CDH11: variants seen among roughly 807,000 people sequenced by gnomAD.
CDH11 encodes cadherin-11.
In CDH11, 11 loss-of-function variants were observed where a neutral mutation model predicts 67.8. The ratio of observed to expected loss-of-function variants is 0.16; its 90% confidence interval spans 0.10 to 0.27. The LOEUF (loss-of-function observed/expected upper bound fraction) is 0.27. CDH11 is among the 10% of genes least tolerant of loss of function. The pLI, the probability that CDH11 is intolerant of heterozygous loss-of-function variation, is 1.00. For missense variants in CDH11, 847 were observed against 1,031.2 expected (o/e 0.82, Z 2.45); for synonymous variants, 419 against 400.0 (o/e 1.05, Z -0.57).
At chr16:65,120,180 G>A (rs2142902593) in intron 1 of CDH11, among the ~76,000 whole-genome samples, 1 of 152,264 alleles carries the variant, frequency 6.6e-6, no homozygotes, top group Middle Eastern at 3.4e-3. Flanking sequence ...AACAATTCCA[G>A]GATTAACGAA....
At chr16:65,081,523 C>A (rs752866033) in intron 1 of CDH11, among the ~76,000 whole-genome samples, 15 of 149,480 alleles carry the variant, frequency 1.0e-4, no homozygotes, top group Non-Finnish European at 7.4e-5. Context: ...GAGCCGAGAT[C>A]GGGCCACTGC....
chr16:64,993,098 C>T (rs927376591), intron 4 of CDH11, 64 bp from the exon 5 acceptor site: 2 of 1,388,370 alleles, frequency 1.4e-6, no homozygotes. Context: ...TTCTTGTTTA[C>T]AAAGTTTTAT....
intron 1 of CDH11, among the ~76,000 whole-genome samples, chr16:65,077,506 CA>C (rs1396757998): frequency 6.6e-6 from 1 of 152,170 alleles, no homozygotes; most frequent in Non-Finnish European, 1.5e-5. Context: ...AATGTGAACT[CA>C]AATGCAAAAA....
intron 1 of CDH11, among the ~76,000 whole-genome samples, chr16:65,057,768 T>C (rs1362860891): frequency 6.6e-6 from 1 of 152,208 alleles, no homozygotes; most frequent in Non-Finnish European, 1.5e-5. Context: ...AAACTGAGGC[T>C]GAATGGCATA....
chr16:64,972,021 G>T lies in CDH11; in HGVS notation c.1434C>A (p.Val478=). ...TGGGAGCATTATCGTTGACATCAAG[G>T]ACCCTAATGGCCACTGGGACTTTGG... ...QEAKVPVAIR[V]LDVNDNAPKF... The change falls in exon 10 of 13, where the codon GTC becomes GTA. Residue 478 remains valine, a synonymous_variant. Coordinates refer to ENST00000268603, the MANE Select transcript of CDH11 (RefSeq NM_001797.4). 2 of 1,613,300 alleles carry T rather than the reference G, an allele frequency of 1.2e-6. No homozygotes were observed. Among genetic ancestry groups the T allele is most frequent in the Non-Finnish European group, 1.7e-6 (2 of 1,179,290 alleles).
Position 64,955,551 on chromosome 16 carries a change from C to T in CDH11, c.1643-4533G>A, listed in dbSNP as rs775748589. Reference sequence around the variant, plus strand: ...GCCAGGAGTTCTAGACCAGCCTGGGCAACATAGCGAGACCTTGTCTCTAAA... The same window carrying T: ...GCCAGGAGTTCTAGACCAGCCTGGGTAACATAGCGAGACCTTGTCTCTAAA... On this transcript the variant is annotated intron_variant, in intron 11 of 12. Transcript: ENST00000268603. Among the ~76,000 whole-genome samples, 84 of 152,102 alleles carry T rather than the reference C, an allele frequency of 5.5e-4. 1 individual carries two copies. Among genetic ancestry groups the T allele is most frequent in the Admixed American group, 5.2e-4 (8 of 15,270 alleles).
intron 1 of CDH11, among the ~76,000 whole-genome samples, chr16:65,079,958 A>T (rs2074581207): frequency 1.3e-5 from 2 of 152,170 alleles, no homozygotes; most frequent in Admixed American, 1.3e-4. Flanking sequence ...TTTAAGTTTT[A>T]CTTCTTGATA....
chr16:65,041,343 C>G (rs1348697858), intron 2 of CDH11, among the ~76,000 whole-genome samples: 1 of 152,220 alleles, frequency 6.6e-6, no homozygotes, highest in East Asian at 1.9e-4. Flanking sequence ...CTGTCTGCTA[C>G]TCTGAATTCT....
chr16:64,952,312 A>C (rs1207434397), intron 11 of CDH11, among the ~76,000 whole-genome samples: 2 of 152,190 alleles, frequency 1.3e-5, no homozygotes, highest in Non-Finnish European at 2.9e-5. Context: ...TGTTGACATA[A>C]CCACTTTGAC....
At chr16:65,038,467 G>C (rs528746469) in intron 2 of CDH11, among the ~76,000 whole-genome samples, 1 of 152,258 alleles carries the variant, frequency 6.6e-6, no homozygotes, top group African/African-American at 2.4e-5. Flanking sequence ...CTCCGCAGGG[G>C]AGATAATGAT....
intron 1 of CDH11, among the ~76,000 whole-genome samples, chr16:65,106,408 C>T (rs1019697671): frequency 3.9e-5 from 6 of 152,152 alleles, no homozygotes; most frequent in African/African-American, 1.4e-4. Context: ...AAAACTTTGC[C>T]ATCTTGGTCT....
chr16:64,961,838 T>A (rs1004665920), intron 11 of CDH11, among the ~76,000 whole-genome samples: 1 of 152,156 alleles, frequency 6.6e-6, no homozygotes, highest in South Asian at 2.1e-4. Context: ...AAAATTGTAA[T>A]AAAATTAAAC....
chr16:65,098,872 G>A (rs7404112), intron 1 of CDH11, among the ~76,000 whole-genome samples: 135,192 of 151,960 alleles, frequency 0.89, 60,219 homozygotes, highest in East Asian at 1. Flanking sequence ...GGGGCGTGTA[G>A]TCTTCTAAAT....
At chr16:65,042,642 A>T (rs2073885549) in intron 2 of CDH11, among the ~76,000 whole-genome samples, 1 of 152,162 alleles carries the variant, frequency 6.6e-6, no homozygotes. Flanking sequence ...TAAATAGTTT[A>T]AAATAAGGAC....
intron 1 of CDH11, among the ~76,000 whole-genome samples, chr16:65,109,098 G>C (rs146188484): frequency 6.6e-6 from 1 of 152,068 alleles, no homozygotes; most frequent in Admixed American, 6.6e-5. Context: ...AGTGAGCTGA[G>C]ACAGCGCCAC....
intron 2 of CDH11, among the ~76,000 whole-genome samples, chr16:65,040,781 A>G (rs750024582): frequency 6.6e-6 from 1 of 152,208 alleles, no homozygotes; most frequent in African/African-American, 2.4e-5. Flanking sequence ...TATATAATTC[A>G]TGTATCATAA....
At chr16:65,108,706 T>G (rs2075107255) in intron 1 of CDH11, among the ~76,000 whole-genome samples, 1 of 152,044 alleles carries the variant, frequency 6.6e-6, no homozygotes, top group Non-Finnish European at 1.5e-5. Context: ...CTTTTAAACA[T>G]GTGGCTTTAA....
chr16:64,969,429 AG>A (rs1227932207), intron 11 of CDH11, among the ~76,000 whole-genome samples: 1 of 152,178 alleles, frequency 6.6e-6, no homozygotes, highest in African/African-American at 2.4e-5. Context: ...CAACACAGAT[AG>A]AAGATTGACC....
At chr16:65,077,006 T>C (rs1209561330) in intron 1 of CDH11, among the ~76,000 whole-genome samples, 1 of 152,050 alleles carries the variant, frequency 6.6e-6, no homozygotes, top group East Asian at 1.9e-4. Context: ...GAGACTTAGG[T>C]AACTTCCTAA....
Sources: gnomAD v4.1 joint callset for allele counts (sites outside exome capture counted in the v4.1 genomes callset) on GRCh38, gnomAD v4.1.1 for gene constraint, MANE v1.5 for transcripts, NCBI Gene and HGNC (gene_info 2026-07-23, HGNC 2026-07-21) for gene names.